SLF1: variants seen among roughly 807,000 people sequenced by gnomAD.
The protein encoded by SLF1 is SMC5/6 complex localization factor 1, also known as SMC5-SMC6 complex localization factor protein 1.
SLF1 carries 105 observed loss-of-function variants against 123.0 expected under a neutral mutation model. The ratio of observed to expected loss-of-function variants is 0.85; its 90% CI spans 0.73 to 1.00. The LOEUF (loss-of-function observed/expected upper bound fraction) is 1.00. Among genes scored for constraint, SLF1 ranks in the 50% least tolerant of loss-of-function variants. The probability of loss-of-function intolerance (pLI) is 0.00; values close to 1 mark genes in which losing one functional copy is unlikely to be tolerated. For missense variants in SLF1, 1,239 were observed against 1,223.0 expected (o/e 1.01, Z -0.20); for synonymous variants, 434 against 406.6 (o/e 1.07, Z -0.81).
At chr5:94,686,075 C>T (rs1269235782) in intron 15 of SLF1, among the ~76,000 whole-genome samples, 1 of 152,110 alleles carries the variant, frequency 6.6e-6, no homozygotes, top group African/African-American at 2.4e-5. Flanking sequence ...TGCCTTTCCT[C>T]CTTTTCTGCA....
At chr5:94,627,619 T>TATATATATAC (rs1261627669) in intron 1 of SLF1, among the ~76,000 whole-genome samples, 3 of 136,962 alleles carry the variant, frequency 2.2e-5, no homozygotes, top group African/African-American at 8.2e-5. Flanking sequence ...TATATATATA[T>TATATATATAC]AGCAAAGTTA....
chr5:94,628,757 C>A, intron 1 of SLF1, 54 bp from the exon 2 acceptor site: 1 of 1,163,532 alleles, frequency 8.6e-7, no homozygotes, highest in Non-Finnish European at 1.2e-6. Flanking sequence ...TAATGTCAAC[C>A]CTGTGAATAA....
At chr5:94,638,763 C>T (rs1159028944) in intron 4 of SLF1, among the ~76,000 whole-genome samples, 1 of 152,176 alleles carries the variant, frequency 6.6e-6, no homozygotes, top group Non-Finnish European at 1.5e-5. Flanking sequence ...GTGGTTTACG[C>T]CGGTATCCCA....
intron 19 of SLF1, 58 bp from the exon 20 acceptor site, chr5:94,692,015 CT>C: frequency 6.5e-7 from 1 of 1,549,530 alleles, no homozygotes; most frequent in Non-Finnish European, 8.8e-7. Context: ...AACATCAGTA[CT>C]TTTCTACCAA....
chr5:94,680,252 A>T (rs935033814), intron 15 of SLF1, among the ~76,000 whole-genome samples: 3 of 152,174 alleles, frequency 2.0e-5, no homozygotes, highest in African/African-American at 7.2e-5. Flanking sequence ...TTCTCTTTTT[A>T]TACTACCAAA....
chr5:94,651,763 A>G lies in SLF1; in HGVS notation c.800A>G (p.Lys267Arg). 1 of 1,533,722 alleles carries G rather than the reference A, an allele frequency of 6.5e-7. No individual in the cohort carries two copies. The highest frequency in any genetic ancestry group is 2.5e-5 in the East Asian group (1 of 40,110). Residue 267 changes from lysine (K) to arginine (R), a missense_variant, in exon 7 of 21, where the codon AAA (lysine) becomes AGA (arginine). Lys to Arg is a conservative substitution (Grantham distance 26). Transcript: ENST00000265140. ...TCTATTTTGATTCAACATCACAAAAAAGAAAAATTCAGTGGTTCCAGTAAA... is the reference window on the plus strand; with the variant it reads ...TCTATTTTGATTCAACATCACAAAAGAGAAAAATTCAGTGGTTCCAGTAAA... ...VGSILIQHHK[K>R]EKFSGSSKDL...
intron 11 of SLF1, among the ~76,000 whole-genome samples, chr5:94,664,891 C>G (rs969433465): frequency 6.6e-6 from 1 of 152,142 alleles, no homozygotes; most frequent in Admixed American, 6.5e-5. Context: ...AGAACCTGCA[C>G]TTATAGGAAA....
intron 4 of SLF1, among the ~76,000 whole-genome samples, chr5:94,632,877 G>T (rs1268164808): frequency 6.6e-6 from 1 of 151,840 alleles, no homozygotes; most frequent in African/African-American, 2.4e-5. Flanking sequence ...TTTTAGTACA[G>T]GTGGGGTTTC....
At chr5:94,654,596 A>G in intron 8 of SLF1, 34 bp from the exon 9 acceptor site, 1 of 1,497,866 alleles carries the variant, frequency 6.7e-7, no homozygotes, top group Non-Finnish European at 8.9e-7. Context: ...TCTTTAGTAC[A>G]TTTTCTAAAG....
intron 4 of SLF1, among the ~76,000 whole-genome samples, chr5:94,638,470 G>T (rs181580548): frequency 6.6e-6 from 1 of 152,094 alleles, no homozygotes; most frequent in South Asian, 2.1e-4. Flanking sequence ...GAGCCACCAC[G>T]CCTGGCCTCC....
intron 15 of SLF1, among the ~76,000 whole-genome samples, chr5:94,682,018 A>ATG (rs149761695): frequency 1.1e-4 from 16 of 151,764 alleles, no homozygotes; most frequent in South Asian, 8.3e-4. Flanking sequence ...GTGTGTGTGC[A>ATG]TGTGTGTGTG....
At chr5:94,628,666 T>C (rs116540307) in intron 1 of SLF1, 145 bp from the exon 2 acceptor site, 441 of 476,674 alleles carry the variant, frequency 9.3e-4, no homozygotes, top group African/African-American at 8.4e-3. Flanking sequence ...AATTTTAATA[T>C]TGTTTTAACA....
rs1296145272 is a variant in SLF1, at chr5:94,695,449, A to T, written c.*137A>T. On this transcript the variant is annotated 3_prime_UTR_variant, in exon 21 of 21. Transcript: ENST00000265140. ...CTTTGCAGCCTTGCTAAATTTTAAA[A>T]GCATTTTTAAAAAAACTTCTACAAA... The T allele has an allele frequency of 6.3e-6, 7 of 1,119,866 alleles. No homozygotes were observed. Among genetic ancestry groups the T allele is most frequent in the African/African-American group, 1.6e-5 (1 of 62,326 alleles). 69.4% of individuals were successfully genotyped at this position (1,119,866 alleles called of 1,614,324 possible). A position where few individuals can be genotyped will look rare whatever the true frequency, so the allele number is the denominator to read the frequency against.
Position 94,662,312 on chromosome 5 carries a change from C to G in SLF1, c.1170C>G (p.Asn390Lys). The change falls in exon 10 of 21, where the codon AAC becomes AAG. Residue 390 changes from asparagine to lysine, a missense_variant. By Grantham distance (94) the Asn-to-Lys change is moderately conservative. Transcript: ENST00000265140. ...CTCTTTTGTAGGCTGTCAGATACAA[C>G]TGCATTAGAATAGATAAACAACCAG... Reference protein sequence around the residue: ...HIYRAQAVRYNCIRIDKQPVY... With the variant: ...HIYRAQAVRYKCIRIDKQPVY... The G allele has an allele frequency of 6.5e-7, 1 of 1,548,676 alleles. No individual in the cohort carries two copies. Among genetic ancestry groups the G allele is most frequent in the Non-Finnish European group, 8.7e-7 (1 of 1,145,428 alleles).
At chr5:94,675,788 A>G (rs1395936440) in intron 14 of SLF1, among the ~76,000 whole-genome samples, 1 of 152,148 alleles carries the variant, frequency 6.6e-6, no homozygotes, top group East Asian at 1.9e-4. Context: ...CTTCTGTTTA[A>G]TAACATTAAT....
At chr5:94,642,847 A>G (rs1421709634) in intron 4 of SLF1, among the ~76,000 whole-genome samples, 2 of 152,036 alleles carry the variant, frequency 1.3e-5, no homozygotes, top group African/African-American at 4.8e-5. Context: ...TCAAGGCTAA[A>G]ATTTTTTGAA....
intron 5 of SLF1, 55 bp from the exon 6 acceptor site, chr5:94,649,399 A>G (rs923614529): frequency 1.6e-5 from 22 of 1,344,184 alleles, no homozygotes; most frequent in Non-Finnish European, 2.1e-5. Flanking sequence ...TAAAACGTAC[A>G]TAATATTGAA....
chr5:94,640,782 A>G (rs1450552011), intron 4 of SLF1, among the ~76,000 whole-genome samples: 1 of 152,186 alleles, frequency 6.6e-6, no homozygotes, highest in African/African-American at 2.4e-5. Context: ...ATTCTTTGAT[A>G]TAATGCCTTT....
intron 12 of SLF1, among the ~76,000 whole-genome samples, chr5:94,666,395 A>G (rs192962259): frequency 2.0e-5 from 3 of 152,306 alleles, no homozygotes; most frequent in African/African-American, 4.8e-5. Context: ...TATAGTATCT[A>G]TTTTAGGGCT....
Sources: gnomAD v4.1 joint callset for allele counts (sites outside exome capture counted in the v4.1 genomes callset) on GRCh38, gnomAD v4.1.1 for gene constraint, MANE v1.5 for transcripts, NCBI Gene and HGNC (gene_info 2026-07-23, HGNC 2026-07-21) for gene names.